GLYATL3: variants seen among roughly 807,000 people sequenced by gnomAD.
GLYATL3 encodes glycine N-acyltransferase-like protein 3.
GLYATL3 carries 31 observed loss-of-function variants against 28.5 expected under a neutral mutation model. The observed-to-expected ratio is 1.09, with a 90% CI of 0.82 to 1.47. GLYATL3 has a LOEUF of 1.47. Among genes scored for constraint, GLYATL3 ranks in the 40% most tolerant of loss-of-function variants. The pLI, the probability that GLYATL3 is intolerant of heterozygous loss-of-function variation, is 0.00. For missense variants in GLYATL3, 369 were observed against 351.5 expected (o/e 1.05, Z -0.40); for synonymous variants, 141 against 140.2 (o/e 1.01, Z -0.04).
Position 49,521,631 on chromosome 6 carries a change from C to A in GLYATL3, c.314-14C>A. On this transcript the variant is annotated splice_polypyrimidine_tract_variant and intron_variant, in intron 4 of 5. Transcript: ENST00000371197. ...AAAATGCCCACATATTAAATTATGT[C>A]TTTCTATACACAGGGCTGCAGAGTG... 6.5e-7 allele frequency: 1 copy of A among 1,533,298 alleles called. No individual in the cohort carries two copies. The highest frequency in any genetic ancestry group is 8.8e-7 in the Non-Finnish European group (1 of 1,139,678). The allele number at this position is 1,533,298 out of a possible 1,614,324, so 95.0% of individuals were successfully genotyped here.
At chr6:49,500,257 C>A (rs1322001067) in intron 1 of GLYATL3, among the ~76,000 whole-genome samples, 1 of 151,884 alleles carries the variant, frequency 6.6e-6, no homozygotes, top group Non-Finnish European at 1.5e-5. Context: ...AAAATTTTTA[C>A]TCTTAAATTT....
At position 49,503,129 on chromosome 6, in the gene GLYATL3, G is replaced by A. The variant is rs543677236; in HGVS notation, c.-29+3087G>A. On this transcript the variant is annotated intron_variant, in intron 1 of 5. Transcript: ENST00000371197. The stretch of plus-strand genomic sequence containing the variant: ...CTCTTTTTGTGAATGCATGGTGGGG[G>A]GAATAGGTTGTATGAGAGGTGGTGT... 2.5e-3 allele frequency among the ~76,000 whole-genome samples: 386 copies of A among 151,682 alleles called. 2 individuals are homozygous for A. The highest frequency in any genetic ancestry group is 8.7e-3 in the African/African-American group (361 of 41,314).
At chr6:49,514,657 C>T (rs996413808) in intron 2 of GLYATL3, among the ~76,000 whole-genome samples, 2 of 140,558 alleles carry the variant, frequency 1.4e-5, no homozygotes, top group East Asian at 4.6e-4. Flanking sequence ...ATAATGAGAC[C>T]GCATCTCTAC....
At position 49,527,063 on chromosome 6, in the gene GLYATL3, G is replaced by A; in HGVS notation, c.*149G>A. 3.2e-6 allele frequency: 2 copies of A among 619,018 alleles called. No individual in the cohort carries two copies. Among genetic ancestry groups the A allele is most frequent in the Admixed American group, 6.4e-5 (2 of 31,336 alleles). 38.3% of individuals were successfully genotyped at this position (619,018 alleles called of 1,614,324 possible). On this transcript the variant is annotated 3_prime_UTR_variant, in exon 6 of 6. Coordinates refer to ENST00000371197, the MANE Select transcript of GLYATL3 (RefSeq NM_001010904.2). ...AATATATACAGGATCCACTTGAGAA[G>A]CCTTAATTTTTCGTATCTCAGGTTT...
chr6:49,512,107 G>C (rs1263302035), intron 2 of GLYATL3, 39 bp downstream of exon 2: 1 of 925,792 alleles, frequency 1.1e-6, no homozygotes, highest in African/African-American at 1.6e-5. Flanking sequence ...TTTCTTTATT[G>C]TGTTAATCTG....
At chr6:49,511,195 G>A in intron 1 of GLYATL3, among the ~76,000 whole-genome samples, 1 of 152,078 alleles carries the variant, frequency 6.6e-6, no homozygotes, top group East Asian at 1.9e-4. Flanking sequence ...TCCCTGATTG[G>A]AATGCCAGAA....
At position 49,527,772 on chromosome 6, in the gene GLYATL3, T is replaced by C. The variant is rs148848895; in HGVS notation, c.*858T>C. Among the ~76,000 whole-genome samples, 216 of 152,242 alleles carry C rather than the reference T, an allele frequency of 1.4e-3. 4 individuals are homozygous for C. Among genetic ancestry groups the C allele is most frequent in the African/African-American group, 5.1e-3 (210 of 41,522 alleles). On this transcript the variant is annotated 3_prime_UTR_variant, in exon 6 of 6. Coordinates refer to ENST00000371197, the MANE Select transcript of GLYATL3 (RefSeq NM_001010904.2). ...ATTTATATATAGGGGTGTTTGGGGG[T>C]ATGCAAATGAATATATAACATATAT...
rs1177758993 is a variant in GLYATL3, at chr6:49,526,899, C to T, written c.852C>T (p.Gly284=). 4 of 1,531,698 alleles carry T rather than the reference C, an allele frequency of 2.6e-6. No individual in the cohort carries two copies. Among genetic ancestry groups the T allele is most frequent in the Non-Finnish European group, 2.6e-6 (3 of 1,135,362 alleles). The allele number at this position is 1,531,698 out of a possible 1,614,324, so 94.9% of individuals were successfully genotyped here. A position where few individuals can be genotyped will look rare whatever the true frequency, so the allele number is the denominator to read the frequency against. ...TTCTCACCCCTGCGACTTTCTCTGG[C>T]CTGCCTCACCTCTAGCCCAGTAAAA... is the stretch of plus-strand genomic sequence containing the variant. ...RLILTPATFS[G]LPHL The change falls in exon 6 of 6, where the codon GGC becomes GGT. Residue 284 remains glycine, a synonymous_variant. Transcript: ENST00000371197.
At chr6:49,509,075 G>T (rs1769068132) in intron 1 of GLYATL3, among the ~76,000 whole-genome samples, 1 of 152,160 alleles carries the variant, frequency 6.6e-6, no homozygotes, top group Non-Finnish European at 1.5e-5. Context: ...TTAGAAGAAA[G>T]AGTGTAAGGA....
chr6:49,505,004 T>G (rs4367370), intron 1 of GLYATL3, among the ~76,000 whole-genome samples: 93,956 of 151,934 alleles, frequency 0.62, 31,010 homozygotes, highest in Non-Finnish European at 0.76. Flanking sequence ...GATTGTGTGG[T>G]TAAGACAAGA....
intron 4 of GLYATL3, among the ~76,000 whole-genome samples, chr6:49,518,335 A>C (rs895600512): frequency 6.6e-6 from 1 of 152,198 alleles, no homozygotes; most frequent in Admixed American, 6.5e-5. Context: ...AGGAGAGAAG[A>C]AGATTAAGGG....
intron 2 of GLYATL3, among the ~76,000 whole-genome samples, chr6:49,514,684 A>G (rs1314403189): frequency 6.6e-6 from 1 of 152,124 alleles, no homozygotes; most frequent in Non-Finnish European, 1.5e-5. Context: ...AATTTTTTTA[A>G]TTATCCAGGT....
intron 1 of GLYATL3, among the ~76,000 whole-genome samples, chr6:49,501,239 T>C (rs992512347): frequency 5.7e-5 from 8 of 141,162 alleles, no homozygotes; most frequent in African/African-American, 1.9e-4. Context: ...CCATCTCTAC[T>C]AAAAATATAA....
chr6:49,523,749 A>G (rs1242595175), intron 5 of GLYATL3, among the ~76,000 whole-genome samples: 1 of 152,236 alleles, frequency 6.6e-6, no homozygotes, highest in Non-Finnish European at 1.5e-5. Context: ...TTGAATCAAC[A>G]TCTAAACAAG....
intron 5 of GLYATL3, 136 bp downstream of exon 5, chr6:49,521,907 ATGTG>A (rs1561980030): frequency 1.4e-6 from 1 of 709,748 alleles, no homozygotes; most frequent in African/African-American, 1.8e-5. Context: ...AAACGGGAGT[ATGTG>A]TGTGAGTGTG....
rs979132997 is a variant in GLYATL3 at position 49,527,590 on chromosome 6, G to A, written c.*676G>A. 6.6e-6 allele frequency among the ~76,000 whole-genome samples: 1 copy of A among 152,236 alleles called. No individual in the cohort carries two copies. The highest frequency in any genetic ancestry group is 2.1e-4 in the South Asian group (1 of 4,818). On this transcript the variant is annotated 3_prime_UTR_variant, in exon 6 of 6. Transcript: ENST00000371197. ...TTCTACGAGGTAGGGCCCAAAATTT[G>A]CATTTCTAACAGCTTCCCACTGCTT... is the stretch of plus-strand genomic sequence containing the variant.
chr6:49,521,529 C>A (rs1436624843), intron 4 of GLYATL3, 116 bp from the exon 5 acceptor site: 8 of 795,342 alleles, frequency 1.0e-5, no homozygotes, highest in Non-Finnish European at 1.6e-5. Context: ...TAGGATAATA[C>A]AAGGTGGCAA....
chr6:49,511,786 C>T (rs554684832), intron 1 of GLYATL3, among the ~76,000 whole-genome samples, 177 bp from the exon 2 acceptor site: 9 of 152,224 alleles, frequency 5.9e-5, no homozygotes, highest in African/African-American at 2.2e-4. Context: ...TTAACACTTC[C>T]CATGTATTCT....
intron 1 of GLYATL3, among the ~76,000 whole-genome samples, chr6:49,507,038 T>C (rs1769022882): frequency 2.0e-5 from 3 of 152,046 alleles, no homozygotes; most frequent in Admixed American, 2.0e-4. Context: ...AACGGCTTAG[T>C]AGAAGAAGAG....
Sources: allele counts gnomAD v4.1 joint callset (sites outside exome capture counted in the v4.1 genomes callset), GRCh38; gene constraint gnomAD v4.1.1; transcripts MANE v1.5; gene names NCBI Gene and HGNC (gene_info 2026-07-23, HGNC 2026-07-21).